Variants in ZNF672 observed in about 807,000 individuals in gnomAD.
The protein encoded by ZNF672 is hypothetical protein FLJ22301.
For missense variants in ZNF672, 733 were observed against 701.1 expected (o/e 1.05, Z -0.51); for synonymous variants, 358 against 305.6 (o/e 1.17, Z -1.79).
chr1:248,841,919 ACT>A (rs760246705), intron 1 of ZNF672, among the ~76,000 whole-genome samples: 1 of 151,978 alleles, frequency 6.6e-6, no homozygotes, highest in Non-Finnish European at 1.5e-5. Flanking sequence ...ACAGAGTGAG[ACT>A]CTGCCTCCAA....
intron 3 of ZNF672, among the ~76,000 whole-genome samples, chr1:248,846,464 G>C (rs1310874030): frequency 6.6e-6 from 1 of 152,154 alleles, no homozygotes; most frequent in Non-Finnish European, 1.5e-5. Context: ...CAATATTTTG[G>C]GGTTTCTCAA....
intron 1 of ZNF672, chr1:248,842,637 C>T (rs1664698438): frequency 6.6e-6 from 1 of 152,122 alleles, no homozygotes; most frequent in Non-Finnish European, 1.5e-5. Flanking sequence ...CCCAAAACTC[C>T]CTCCTGAAGG....
intron 3 of ZNF672, among the ~76,000 whole-genome samples, chr1:248,845,886 T>C (rs367838216): frequency 2.2e-3 from 338 of 152,302 alleles, no homozygotes; most frequent in African/African-American, 7.7e-3. Flanking sequence ...GAGACTGACC[T>C]GTGGCCCCTG....
In ZNF672 at chr1:248,848,189, C is replaced by CACGG; in HGVS notation, c.916_919dup (p.Gly307AspfsTer134). ...ACCTGGTGGTGCACCAGCGCATCCACACGGGCGAGAAGCCCTTCGCGTGCC... is the reference window on the plus strand; with the variant it reads ...ACCTGGTGGTGCACCAGCGCATCCACACGGACGGGCGAGAAGCCCTTCGCGTGCC... On this transcript the variant is annotated frameshift_variant, in exon 4 of 4. Transcript: ENST00000306562. LOFTEE classifies it low-confidence loss of function (END_TRUNC). The CACGG allele has an allele frequency of 6.2e-7, 1 of 1,600,234 alleles. No homozygotes were observed. The highest frequency in any genetic ancestry group is 1.1e-5 in the South Asian group (1 of 90,606).
In ZNF672 at chr1:248,848,790, C is replaced by G. The variant is rs758731502; in HGVS notation, c.*157C>G. ...CTGTTGGCAGCCCTTCACGTAGCCT[C>G]CTGCCTCGCCTCTACACCTACTACC... On this transcript the variant is annotated 3_prime_UTR_variant, in exon 4 of 4. Coordinates refer to ENST00000306562, the MANE Select transcript of ZNF672 (RefSeq NM_024836.3). 3 of 1,082,398 alleles carry G rather than the reference C, an allele frequency of 2.8e-6. No homozygotes were observed. Among genetic ancestry groups the G allele is most frequent in the East Asian group, 5.2e-5 (2 of 38,674 alleles). The allele number at this position is 1,082,398 out of a possible 1,614,324, so 67.0% of individuals were successfully genotyped here.
Position 248,849,146 on chromosome 1 carries a change from G to T in ZNF672, c.*513G>T, listed in dbSNP as rs768580163. 2.1e-6 allele frequency: 1 copy of T among 466,502 alleles called. No homozygotes were observed. The highest frequency in any genetic ancestry group is 1.6e-5 in the South Asian group (1 of 63,882). The allele number at this position is 466,502 out of a possible 1,614,324, so 28.9% of individuals were successfully genotyped here. A position where few individuals can be genotyped will look rare whatever the true frequency, so the allele number is the denominator to read the frequency against. On this transcript the variant is annotated 3_prime_UTR_variant, in exon 4 of 4. Transcript: ENST00000306562. ...GGTTCCCTGTTAACTCTGTTTCTGA[G>T]AAATGTGGGTATGGAGGTGGGTGGG...
chr1:248,841,885 C>T (rs1200584941), intron 1 of ZNF672, among the ~76,000 whole-genome samples: 1 of 152,052 alleles, frequency 6.6e-6, no homozygotes, highest in African/African-American at 2.4e-5. Context: ...ACTGAGATGG[C>T]GCCACTGCAC....
chr1:248,839,855 C>T lies in ZNF672; in HGVS notation c.-475+1304C>T, dbSNP rs1419199540. Among the ~76,000 whole-genome samples the T allele has an allele frequency of 2.0e-5, 3 of 150,044 alleles. No individual in the cohort carries two copies. The East Asian group carries it at 5.9e-4, about 30-fold the overall frequency. On this transcript the variant is annotated intron_variant, in intron 1 of 3. Coordinates refer to ENST00000306562, the MANE Select transcript of ZNF672 (RefSeq NM_024836.3). Reference sequence around the variant, plus strand: ...CTGGCCTCAAGTGATCCTCCCACCTCACCCTTCCCAGTAGCTGAGACTACA... The same window carrying T: ...CTGGCCTCAAGTGATCCTCCCACCTTACCCTTCCCAGTAGCTGAGACTACA...
chr1:248,847,164 C>T lies in ZNF672; in HGVS notation c.-111C>T. 1 of 1,414,626 alleles carries T rather than the reference C, an allele frequency of 7.1e-7. No homozygotes were observed. Among genetic ancestry groups the T allele is most frequent in the Non-Finnish European group, 9.4e-7 (1 of 1,062,322 alleles). The allele number at this position is 1,414,626 out of a possible 1,614,324, so 87.6% of individuals were successfully genotyped here. A position where few individuals can be genotyped will look rare whatever the true frequency, so the allele number is the denominator to read the frequency against. On this transcript the variant is annotated 5_prime_UTR_variant, in exon 4 of 4. Coordinates refer to ENST00000306562, the MANE Select transcript of ZNF672 (RefSeq NM_024836.3). The stretch of plus-strand genomic sequence containing the variant: ...AGTTTTTGCGGCCTCCCCCTTTCCT[C>T]TCTGTTACAGTGCCCTTTCCAGGCC...
chr1:248,848,031 A>G lies in ZNF672; in HGVS notation c.757A>G (p.Lys253Glu). The change falls in exon 4 of 4, where the codon AAG becomes GAG. Residue 253 changes from lysine (K) to glutamate (E), a missense_variant. Transcript: ENST00000306562. The part of the protein sequence containing the change: ...VRHQRTHTGE[K>E]PYACGDCGRC... The stretch of plus-strand genomic sequence containing the variant: ...CCACCAGCGCACACACACGGGCGAG[A>G]AGCCGTACGCATGTGGCGACTGTGG... The G allele has an allele frequency of 6.4e-7, 1 of 1,555,258 alleles. No homozygotes were observed. Among genetic ancestry groups the G allele is most frequent in the South Asian group, 1.2e-5 (1 of 85,554 alleles).
Position 248,847,832 on chromosome 1 carries a change from G to T in ZNF672, c.558G>T (p.Val186=). 7.0e-6 allele frequency: 11 copies of T among 1,568,530 alleles called. No individual in the cohort carries two copies. The highest frequency in any genetic ancestry group is 9.5e-6 in the Non-Finnish European group (11 of 1,161,546). ...AGLRSHARIH[V]SRSPTRPRVS... is the part of the protein sequence containing the mutation. The stretch of plus-strand genomic sequence containing the variant: ...TGCGGAGTCACGCGCGCATCCACGT[G>T]TCCCGGAGCCCCACGCGACCCCGTG... The change falls in exon 4 of 4, where the codon GTG becomes GTT. Residue 186 remains valine (V), a synonymous_variant. Coordinates refer to ENST00000306562, the MANE Select transcript of ZNF672 (RefSeq NM_024836.3).
Position 248,848,405 on chromosome 1 carries a change from C to T in ZNF672, c.1131C>T (p.Ser377=), listed in dbSNP as rs758215592. 6 of 1,604,972 alleles carry T rather than the reference C, an allele frequency of 3.7e-6. No individual in the cohort carries two copies. In the East Asian group the frequency reaches 1.3e-4, roughly 36 times the overall value. The part of the protein sequence containing the change: ...HKCPECSKAF[S]VASKLALHRK... Reference sequence around the variant, plus strand: ...GCCCCGAGTGCAGCAAGGCCTTCAGCGTCGCCTCCAAGCTTGCACTGCACC... The same window carrying T: ...GCCCCGAGTGCAGCAAGGCCTTCAGTGTCGCCTCCAAGCTTGCACTGCACC... Residue 377 remains serine (S), a synonymous_variant, in exon 4 of 4, where the codon AGC becomes AGT. Transcript: ENST00000306562.
rs1572201796 is a variant in ZNF672 at position 248,849,168 on chromosome 1, T to TA, written c.*535_*536insA. 1 of 449,208 alleles carries TA rather than the reference T, an allele frequency of 2.2e-6. No individual in the cohort carries two copies. The highest frequency in any genetic ancestry group is 7.0e-5 in the East Asian group (1 of 14,258). 27.8% of individuals were successfully genotyped at this position (449,208 alleles called of 1,614,324 possible). A position where few individuals can be genotyped will look rare whatever the true frequency, so the allele number is the denominator to read the frequency against. Reference sequence around the variant, plus strand: ...TGAGAAATGTGGGTATGGAGGTGGGTGGGAAAGCTCACTTCCATGAAGGAT... The same window carrying TA: ...TGAGAAATGTGGGTATGGAGGTGGGTAGGGAAAGCTCACTTCCATGAAGGAT... On this transcript the variant is annotated 3_prime_UTR_variant, in exon 4 of 4. Coordinates refer to ENST00000306562, the MANE Select transcript of ZNF672 (RefSeq NM_024836.3).
At position 248,848,347 on chromosome 1, in the gene ZNF672, G is replaced by A. The variant is rs1659237246; in HGVS notation, c.1073G>A (p.Arg358Gln). 1.2e-6 allele frequency: 2 copies of A among 1,601,368 alleles called. No individual in the cohort carries two copies. Among genetic ancestry groups the A allele is most frequent in the African/African-American group, 1.3e-5 (1 of 75,010 alleles). Reference protein sequence around the residue: ...FTCVSNLNVHRRNHAGHKPHK... With the variant: ...FTCVSNLNVHQRNHAGHKPHK... ...TGCGTGTCCAATCTCAACGTGCATC[G>A]GCGCAACCATGCCGGCCACAAGCCA... Residue 358 changes from arginine (R) to glutamine (Q), a missense_variant, in exon 4 of 4, where the codon CGG becomes CAG. By Grantham distance (43) the Arg-to-Gln change is conservative. Transcript: ENST00000306562.
At chr1:248,839,357 G>C (rs749702967) in intron 1 of ZNF672, 6 of 152,308 alleles carry the variant, frequency 3.9e-5, no homozygotes, top group African/African-American at 1.2e-4. Flanking sequence ...CCAGGGCCGG[G>C]CACAGTGGCT....
At chr1:248,841,869 G>C (rs975680884) in intron 1 of ZNF672, among the ~76,000 whole-genome samples, 1 of 151,378 alleles carries the variant, frequency 6.6e-6, no homozygotes, top group African/African-American at 2.4e-5. Flanking sequence ...AGTGAGCCGA[G>C]ATCACACTGA....
chr1:248,847,562 C>T lies in ZNF672; in HGVS notation c.288C>T (p.Cys96=), dbSNP rs536432899. ...ACTTGGGCGCACACCGGCAGCGATG[C>T]CGCACTTGCCCCTGCCGCACATGCG... ...DLHLGAHRQR[C]RTCPCRTCGR... The change falls in exon 4 of 4, where the codon TGC becomes TGT. Residue 96 remains cysteine, a synonymous_variant. Coordinates refer to ENST00000306562, the MANE Select transcript of ZNF672 (RefSeq NM_024836.3). 1.3e-6 allele frequency: 2 copies of T among 1,579,862 alleles called. No individual in the cohort carries two copies. Among genetic ancestry groups the T allele is most frequent in the South Asian group, 2.3e-5 (2 of 87,520 alleles).
At chr1:248,839,645 A>C (rs569112243) in intron 1 of ZNF672, among the ~76,000 whole-genome samples, 73 of 152,286 alleles carry the variant, frequency 4.8e-4, no homozygotes, top group Non-Finnish European at 9.0e-4. Flanking sequence ...CCTGTCTCAA[A>C]AAACAAACAA....
At chr1:248,839,792 A>G (rs1037584522) in intron 1 of ZNF672, among the ~76,000 whole-genome samples, 6 of 133,560 alleles carry the variant, frequency 4.5e-5, no homozygotes, top group African/African-American at 1.8e-4. Flanking sequence ...AGGCTGGAGT[A>G]CAGTGGCGCG....
Sources: gnomAD v4.1 joint callset for allele counts (sites outside exome capture counted in the v4.1 genomes callset) on GRCh38, gnomAD v4.1.1 for gene constraint, MANE v1.5 for transcripts, NCBI Gene and HGNC (gene_info 2026-07-23, HGNC 2026-07-21) for gene names.